ITPR1: variants seen among roughly 807,000 people sequenced by gnomAD.
ITPR1 encodes the protein inositol 1,4,5-trisphosphate receptor type 1.
In ITPR1, 96 loss-of-function variants were observed where a neutral mutation model predicts 318.4. The observed-to-expected ratio is 0.30, with a 90% confidence interval of 0.26 to 0.36. ITPR1 has a LOEUF of 0.36. Among genes scored for constraint, ITPR1 ranks in the 10% least tolerant of loss-of-function variants. ITPR1 has a pLI of 1.00. For missense variants in ITPR1, 2,440 were observed against 3,460.2 expected (o/e 0.71, Z 7.40); for synonymous variants, 1,312 against 1,289.9 (o/e 1.02, Z -0.37).
At chr3:4,766,899 T>C (rs2125373542) in intron 45 of ITPR1, among the ~76,000 whole-genome samples, 189 bp downstream of exon 45, 1 of 152,358 alleles carries the variant, frequency 6.6e-6, no homozygotes, top group African/African-American at 2.4e-5. Flanking sequence ...CTCAGAAGGA[T>C]CTTCCTGTTT....
chr3:4,647,131 A>C (rs1465622421), intron 10 of ITPR1, among the ~76,000 whole-genome samples: 2 of 152,034 alleles, frequency 1.3e-5, no homozygotes, highest in Non-Finnish European at 2.9e-5. Flanking sequence ...ACTTTGTATA[A>C]ATGGAGTCAT....
chr3:4,726,297 T>A (rs1360486774), intron 41 of ITPR1, among the ~76,000 whole-genome samples: 1 of 150,582 alleles, frequency 6.6e-6, no homozygotes, highest in Non-Finnish European at 1.5e-5. Flanking sequence ...CTGAAAGTGC[T>A]GGGATTACAG....
chr3:4,724,823 T>C (rs890573850), intron 40 of ITPR1, among the ~76,000 whole-genome samples: 2 of 152,056 alleles, frequency 1.3e-5, no homozygotes, highest in Non-Finnish European at 2.9e-5. Context: ...GGGCTGGAAA[T>C]TATTAAATCA....
intron 33 of ITPR1, among the ~76,000 whole-genome samples, chr3:4,694,039 A>T (rs918487350): frequency 1.3e-5 from 2 of 152,200 alleles, no homozygotes; most frequent in Non-Finnish European, 2.9e-5. Flanking sequence ...ACCTGAATGA[A>T]CTTTTCAGAA....
At chr3:4,652,723 A>C (rs2093623270) in intron 11 of ITPR1, among the ~76,000 whole-genome samples, 1 of 152,176 alleles carries the variant, frequency 6.6e-6, no homozygotes, top group African/African-American at 2.4e-5. Context: ...ACTTTACCTT[A>C]AATGTCTGTG....
chr3:4,825,963 C>A (rs546238602), intron 60 of ITPR1: 2 of 363,412 alleles, frequency 5.5e-6, no homozygotes, highest in African/African-American at 2.1e-5. Flanking sequence ...ATTCACACAG[C>A]CATCATGGGG....
intron 2 of ITPR1, among the ~76,000 whole-genome samples, chr3:4,503,059 T>TG (rs144155185): frequency 6.6e-6 from 1 of 151,942 alleles, no homozygotes; most frequent in African/African-American, 2.4e-5. Flanking sequence ...CACTCCAGCC[T>TG]GGGGGGCAGA....
intron 4 of ITPR1, among the ~76,000 whole-genome samples, chr3:4,624,211 A>G (rs994378674): frequency 6.6e-6 from 1 of 152,228 alleles, no homozygotes; most frequent in Non-Finnish European, 1.5e-5. Context: ...TTTACTCTCT[A>G]TAGCTTACTA....
chr3:4,825,926 G>A, intron 60 of ITPR1: 1 of 374,810 alleles, frequency 2.7e-6, no homozygotes, highest in Non-Finnish European at 5.3e-6. Context: ...TGGCAGCAGT[G>A]ACCGGAGCCA....
intron 61 of ITPR1, among the ~76,000 whole-genome samples, chr3:4,841,686 C>G (rs911874092): frequency 7.2e-5 from 11 of 152,176 alleles, no homozygotes; most frequent in Non-Finnish European, 1.6e-4. Context: ...TCAATCTGAT[C>G]TTCGGGAGAG....
At chr3:4,546,343 C>A (rs2084995842) in intron 4 of ITPR1, among the ~76,000 whole-genome samples, 1 of 152,088 alleles carries the variant, frequency 6.6e-6, no homozygotes, top group Admixed American at 6.5e-5. Flanking sequence ...GTCATTTTTT[C>A]CTCATCACAA....
intron 4 of ITPR1, among the ~76,000 whole-genome samples, chr3:4,595,809 C>T (rs1452198799): frequency 7.9e-5 from 12 of 152,104 alleles, no homozygotes; most frequent in Admixed American, 6.5e-4. Flanking sequence ...GCATTTAGGT[C>T]ACTGATGACC....
At chr3:4,645,273 GT>G in intron 8 of ITPR1, 113 bp from the exon 9 acceptor site, 1 of 732,934 alleles carries the variant, frequency 1.4e-6, no homozygotes, top group Non-Finnish European at 2.4e-6. Context: ...AATCTTTAGA[GT>G]TTTTAGTCTC....
At chr3:4,833,247 T>A (rs562651460) in intron 60 of ITPR1, among the ~76,000 whole-genome samples, 1 of 152,256 alleles carries the variant, frequency 6.6e-6, no homozygotes, top group African/African-American at 2.4e-5. Context: ...GTGAGGAAAA[T>A]TCTCATTTTA....
At chr3:4,551,517 C>G (rs1256009456) in intron 4 of ITPR1, among the ~76,000 whole-genome samples, 1 of 152,126 alleles carries the variant, frequency 6.6e-6, no homozygotes, top group Non-Finnish European at 1.5e-5. Context: ...GAGATTATTC[C>G]ATGTTTTAAT....
In ITPR1 at chr3:4,661,941, G is replaced by A. The variant is rs1390354465; in HGVS notation, c.1252-141G>A. The A allele has an allele frequency of 2.3e-5, 15 of 640,884 alleles. No homozygotes were observed. The East Asian group carries it at 4.2e-4, about 18-fold the overall frequency. 39.7% of individuals were successfully genotyped at this position (640,884 alleles called of 1,614,324 possible). On this transcript the variant is annotated intron_variant, in intron 14 of 61. Coordinates refer to ENST00000649015, the MANE Select transcript of ITPR1 (RefSeq NM_001378452.1). ...TAACCATTTGGAGTACGTCCTTGTA[G>A]ATTTTTTTCCTATATCATTTTAACT...
chr3:4,688,418 G>C (rs1293753792), intron 30 of ITPR1, 77 bp from the exon 31 acceptor site: 1 of 1,556,092 alleles, frequency 6.4e-7, no homozygotes, highest in Non-Finnish European at 8.8e-7. Flanking sequence ...TCCCACGTTA[G>C]CAGGAGGTGT....
intron 49 of ITPR1, among the ~76,000 whole-genome samples, chr3:4,781,192 G>T (rs1218126907): frequency 6.6e-6 from 1 of 152,248 alleles, no homozygotes; most frequent in African/African-American, 2.4e-5. Context: ...CTTGGTGTCA[G>T]TGCTGACATA....
chr3:4,659,201 CAT>C (rs1336539070), intron 13 of ITPR1, among the ~76,000 whole-genome samples: 85 of 152,238 alleles, frequency 5.6e-4, no homozygotes, highest in Non-Finnish European at 5.9e-5. Context: ...GTGTTTCATC[CAT>C]TCAGAGGTAG....
Sources: allele counts gnomAD v4.1 joint callset (sites outside exome capture counted in the v4.1 genomes callset), GRCh38; gene constraint gnomAD v4.1.1; transcripts MANE v1.5; gene names NCBI Gene and HGNC (gene_info 2026-07-23, HGNC 2026-07-21).